The following CCT6B variants were observed in gnomAD, a reference collection of about 807,000 sequenced individuals.
CCT6B encodes the protein probable T-complex protein 1 subunit zeta-2.
A neutral mutation model predicts 61.5 loss-of-function variants in CCT6B; 49 were observed. The observed-to-expected ratio is 0.80, with a 90% CI of 0.63 to 1.01. CCT6B has a LOEUF of 1.01. CCT6B is among the 50% of genes least tolerant of loss of function. The pLI is 0.00. For synonymous variants in CCT6B, 228 were observed against 214.5 expected (o/e 1.06, Z -0.55); for missense variants, 666 against 634.7 (o/e 1.05, Z -0.53).
At position 34,961,454 on chromosome 17, in the gene CCT6B, G is replaced by C. The variant is rs1017266439; in HGVS notation, c.-61C>G. 68 of 1,562,136 alleles carry C rather than the reference G, an allele frequency of 4.4e-5. No individual in the cohort carries two copies. In the African/African-American group the frequency reaches 7.3e-4, roughly 17 times the overall value. Reference sequence around the variant, plus strand: ...TTAGTCGCGATTCTGAGCAAAAACGGCAATGCGACGCCACGCTCTCTTGAG... The same window carrying C: ...TTAGTCGCGATTCTGAGCAAAAACGCCAATGCGACGCCACGCTCTCTTGAG... On this transcript the variant is annotated 5_prime_UTR_variant, in exon 1 of 14. Coordinates refer to ENST00000314144, the MANE Select transcript of CCT6B (RefSeq NM_006584.4).
In CCT6B at chr17:34,961,297, C is replaced by G; in HGVS notation, c.97G>C (p.Val33Leu). 2 of 1,613,140 alleles carry G rather than the reference C, an allele frequency of 1.2e-6. No homozygotes were observed. The highest frequency in any genetic ancestry group is 1.7e-6 in the Non-Finnish European group (2 of 1,179,884). The change falls in exon 1 of 14, where the codon GTG becomes CTG. Residue 33 changes from valine (V) to leucine (L), a missense_variant. Coordinates refer to ENST00000314144, the MANE Select transcript of CCT6B (RefSeq NM_006584.4). Reference protein sequence around the residue: ...NICAARGLQDVLRTNLGPKGT... With the variant: ...NICAARGLQDLLRTNLGPKGT... ...TTAGGACCCAAGTTGGTCCGCAGCACATCCTGCAGCCCTCGGGCGGCGCAT... is the reference window on the plus strand; with the variant it reads ...TTAGGACCCAAGTTGGTCCGCAGCAGATCCTGCAGCCCTCGGGCGGCGCAT...
At chr17:34,944,003 A>G (rs1028583960) in intron 5 of CCT6B, 2 of 152,102 alleles carry the variant, frequency 1.3e-5, no homozygotes, top group East Asian at 1.9e-4. Context: ...TGAATCCTTT[A>G]TAACTAATTT....
At position 34,927,896 on chromosome 17, in the gene CCT6B, T is replaced by C. The variant is rs189995665; in HGVS notation, c.*152A>G. 1 of 519,186 alleles carries C rather than the reference T, an allele frequency of 1.9e-6. No homozygotes were observed. Among genetic ancestry groups the C allele is most frequent in the East Asian group, 3.2e-5 (1 of 30,882 alleles). The allele number at this position is 519,186 out of a possible 1,614,324, so 32.2% of individuals were successfully genotyped here. On this transcript the variant is annotated 3_prime_UTR_variant, in exon 14 of 14. Transcript: ENST00000314144. ...AAGTATTTATTGTGTTCTTTATACC[T>C]TGATGAAATATTTTTGAGACTATTA...
In CCT6B at chr17:34,954,486, A is replaced by T. The variant is rs370152792; in HGVS notation, c.450T>A (p.Asp150Glu). The stretch of plus-strand genomic sequence containing the variant: ...TAGTTTGTAATGATGTTCTAGCTAC[A>T]TCTAAGAGGATTTTTCTTTTCATCT... Reference protein sequence around the residue: ...TKEMKRKILLDVARTSLQTKV... With the variant: ...TKEMKRKILLEVARTSLQTKV... Residue 150 changes from aspartate to glutamate, a missense_variant, in exon 4 of 14, where the codon GAT (aspartate) becomes GAA (glutamate). Transcript: ENST00000314144. 5.0e-6 allele frequency: 8 copies of T among 1,613,750 alleles called. No homozygotes were observed. The highest frequency in any genetic ancestry group is 1.7e-4 in the Middle Eastern group (1 of 6,056).
At chr17:34,960,839 C>T (rs1449797957) in intron 1 of CCT6B, among the ~76,000 whole-genome samples, 1 of 152,210 alleles carries the variant, frequency 6.6e-6, no homozygotes. Context: ...TTGGATTTGA[C>T]CCCATGCCTT....
intron 13 of CCT6B, 66 bp downstream of exon 13, chr17:34,928,896 A>G: frequency 1.1e-6 from 1 of 946,318 alleles, no homozygotes; most frequent in East Asian, 2.6e-5. Flanking sequence ...TAATAGAAAA[A>G]ATTTCATCTT....
intron 5 of CCT6B, among the ~76,000 whole-genome samples, chr17:34,946,724 A>G (rs1567669492): frequency 6.6e-6 from 1 of 152,240 alleles, no homozygotes; most frequent in Non-Finnish European, 1.5e-5. Context: ...AATAGCAAAG[A>G]GAATGACCAA....
At chr17:34,951,356 G>A (rs1008296842) in intron 5 of CCT6B, among the ~76,000 whole-genome samples, 5 of 152,162 alleles carry the variant, frequency 3.3e-5, no homozygotes, top group Admixed American at 2.0e-4. Flanking sequence ...ATCCTAGGTG[G>A]GAGGGGGAAA....
At chr17:34,958,950 T>C (rs1365980824) in intron 2 of CCT6B, among the ~76,000 whole-genome samples, 1 of 152,098 alleles carries the variant, frequency 6.6e-6, no homozygotes. Context: ...GATTAAATCA[T>C]TCAATCTCAA....
At chr17:34,961,183 A>C (rs1012332350) in intron 1 of CCT6B, 74 bp downstream of exon 1, 3 of 1,505,794 alleles carry the variant, frequency 2.0e-6, no homozygotes, top group East Asian at 4.6e-5. Flanking sequence ...CGCTACGCGG[A>C]CGCCTGCCTC....
intron 3 of CCT6B, among the ~76,000 whole-genome samples, chr17:34,956,813 T>C (rs1221377190): frequency 2.6e-5 from 4 of 152,036 alleles, no homozygotes; most frequent in African/African-American, 9.7e-5. Context: ...CTCTTCTCTC[T>C]CTCTCTTTCT....
chr17:34,943,019 T>C (rs535500854), intron 5 of CCT6B, 113 bp from the exon 6 acceptor site: 3 of 635,472 alleles, frequency 4.7e-6, no homozygotes, highest in Admixed American at 6.5e-5. Flanking sequence ...CATTGTTTCC[T>C]TGTACCAATT....
chr17:34,951,338 T>A (rs555963528), intron 5 of CCT6B, among the ~76,000 whole-genome samples: 8 of 152,306 alleles, frequency 5.3e-5, no homozygotes, highest in African/African-American at 1.9e-4. Flanking sequence ...TGGATTTGCT[T>A]CAAAATAATC....
chr17:34,928,157 C>T (rs1324077419), intron 13 of CCT6B, 40 bp from the exon 14 acceptor site: 2 of 1,342,580 alleles, frequency 1.5e-6, no homozygotes, highest in South Asian at 1.3e-5. Flanking sequence ...GCCTACTAAC[C>T]CACTCTTAGC....
At position 34,958,714 on chromosome 17, in the gene CCT6B, G is replaced by A. The variant is rs201100126; in HGVS notation, c.202-20C>T. ...AATTTGCTGGAAAAAGCAAGCAACA[G>A]ATTTAAAAAGACAGGATGAGATAAG... On this transcript the variant is annotated intron_variant, in intron 2 of 13. Coordinates refer to ENST00000314144, the MANE Select transcript of CCT6B (RefSeq NM_006584.4). 359 of 1,569,632 alleles carry A rather than the reference G, an allele frequency of 2.3e-4. 1 individual carries two copies. In the East Asian group the frequency reaches 5.5e-3, roughly 24 times the overall value.
intron 10 of CCT6B, among the ~76,000 whole-genome samples, chr17:34,938,736 G>A (rs2090123975): frequency 6.6e-6 from 1 of 151,166 alleles, no homozygotes; most frequent in Admixed American, 6.6e-5. Context: ...TTCAAAACCT[G>A]GTCTCAAAAG....
At chr17:34,958,789 A>C in intron 2 of CCT6B, 95 bp from the exon 3 acceptor site, 1 of 853,306 alleles carries the variant, frequency 1.2e-6, no homozygotes, top group Non-Finnish European at 1.7e-6. Flanking sequence ...AGCAAAATTA[A>C]AAAATGAAAT....
intron 13 of CCT6B, among the ~76,000 whole-genome samples, chr17:34,928,386 C>T (rs1374757033): frequency 1.3e-5 from 2 of 152,102 alleles, no homozygotes; most frequent in African/African-American, 4.8e-5. Context: ...AATTCTCCCG[C>T]CTCAGCCTCC....
chr17:34,935,988 T>C (rs1012717888), intron 10 of CCT6B, among the ~76,000 whole-genome samples: 1 of 152,088 alleles, frequency 6.6e-6, no homozygotes, highest in Admixed American at 6.6e-5. Context: ...TTTACTCTTG[T>C]CGCCCAGGCT....
Sources: gnomAD v4.1 joint callset for allele counts (sites outside exome capture counted in the v4.1 genomes callset) on GRCh38, gnomAD v4.1.1 for gene constraint, MANE v1.5 for transcripts, NCBI Gene and HGNC (gene_info 2026-07-23, HGNC 2026-07-21) for gene names.